SDK2: variants seen among roughly 807,000 people sequenced by gnomAD.
The protein encoded by SDK2 is sidekick cell adhesion molecule 2.
SDK2 carries 105 observed loss-of-function variants against 253.9 expected under a neutral mutation model. The observed-to-expected ratio is 0.41, with a 90% CI of 0.35 to 0.49. The LOEUF (loss-of-function observed/expected upper bound fraction) is 0.49, where lower values mean the gene tolerates loss of function less well. Ranked by LOEUF, SDK2 falls within the 20% of genes least tolerant of loss-of-function variation. The pLI is 0.06. For missense variants in SDK2, 2,608 were observed against 3,003.0 expected (o/e 0.87, Z 3.07); for synonymous variants, 1,249 against 1,234.9 (o/e 1.01, Z -0.24).
intron 12 of SDK2, among the ~76,000 whole-genome samples, chr17:73,427,980 C>A (rs542934466): frequency 6.6e-6 from 1 of 152,112 alleles, no homozygotes. Context: ...CCAAAATCTA[C>A]AAAGAACTCT....
intron 1 of SDK2, among the ~76,000 whole-genome samples, chr17:73,543,008 C>A (rs1430743729): frequency 6.6e-6 from 1 of 152,140 alleles, no homozygotes; most frequent in Non-Finnish European, 1.5e-5. Context: ...TAGGCCACGC[C>A]CCCTCTGCAG....
intron 21 of SDK2, 23 bp downstream of exon 21, chr17:73,400,997 C>T (rs377531625): frequency 5.6e-5 from 87 of 1,552,772 alleles, no homozygotes; most frequent in Non-Finnish European, 7.6e-5. Flanking sequence ...TCAAAGAGTC[C>T]TGCCTTGAGA....
chr17:73,553,345 A>G (rs1452899047), intron 1 of SDK2, among the ~76,000 whole-genome samples: 1 of 152,150 alleles, frequency 6.6e-6, no homozygotes, highest in African/African-American at 2.4e-5. Flanking sequence ...TGCCTATTTA[A>G]TACCAGGGTC....
At chr17:73,385,425 C>G (rs1441413183) in intron 32 of SDK2, among the ~76,000 whole-genome samples, 2 of 152,154 alleles carry the variant, frequency 1.3e-5, no homozygotes, top group Non-Finnish European at 2.9e-5. Flanking sequence ...CTTCACCGAC[C>G]AGTGGGGCTT....
intron 1 of SDK2, among the ~76,000 whole-genome samples, chr17:73,568,798 G>A (rs1394362387): frequency 2.0e-5 from 3 of 151,952 alleles, no homozygotes; most frequent in East Asian, 1.9e-4. Context: ...GAGAAGAGTC[G>A]TTAAACAGGC....
rs1180098185 is a variant in SDK2 at position 73,447,690 on chromosome 17, GACC to G, written c.535_537del (p.Gly179del). 6.4e-7 allele frequency: 1 copy of G among 1,551,742 alleles called. No individual in the cohort carries two copies. Among genetic ancestry groups the G allele is most frequent in the East Asian group, 2.4e-5 (1 of 40,922 alleles). ...TCGTTAACAGCCTGCACATAGTAGC[GACC>G]TGCGTCAGGGGCCACCGTTGACAGG... On this transcript the variant is annotated inframe_deletion, in exon 5 of 45. Transcript: ENST00000392650. The surrounding 1 kb of genome is among the most constrained non-coding windows in gnomAD (Gnocchi z 4.0).
In SDK2 at chr17:73,612,141, T is replaced by A. The variant is rs935836753; in HGVS notation, c.64+31884A>T. Among the ~76,000 whole-genome samples the A allele has an allele frequency of 6.6e-6, 1 of 152,176 alleles. No individual in the cohort carries two copies. The highest frequency in any genetic ancestry group is 2.4e-5 in the African/African-American group (1 of 41,430). On this transcript the variant is annotated intron_variant, in intron 1 of 44. Coordinates refer to ENST00000392650, the MANE Select transcript of SDK2 (RefSeq NM_001144952.2). This position sits in a 1 kb window ranked among gnomAD's most constrained non-coding sequence, Gnocchi z 4.4. ...AACTCGTTATGAAAATAAACAGCAA[T>A]TCCTTTCACCCCCGCTGCAGCCTCT...
chr17:73,455,596 G>A lies in SDK2; in HGVS notation c.479+310C>T, dbSNP rs960634822. Among the ~76,000 whole-genome samples, 9 of 152,302 alleles carry A rather than the reference G, an allele frequency of 5.9e-5. 1 individual carries two copies. In the South Asian group the frequency reaches 6.2e-4, roughly 11 times the overall value. ...CTGGGCCTGTAACCACGGTGACAGC[G>A]CCTTCGTATATGCCTGTTTGGGTTT... On this transcript the variant is annotated intron_variant, in intron 4 of 44. Transcript: ENST00000392650. This position sits in a 1 kb window ranked among gnomAD's most constrained non-coding sequence, Gnocchi z 5.0.
chr17:73,607,024 A>G (rs1013575578), intron 1 of SDK2, among the ~76,000 whole-genome samples: 1 of 152,220 alleles, frequency 6.6e-6, no homozygotes, highest in Admixed American at 6.5e-5. Flanking sequence ...GAGGCTGGAC[A>G]GGCAAGGGAG....
At chr17:73,605,601 C>A (rs1310732968) in intron 1 of SDK2, among the ~76,000 whole-genome samples, 1 of 152,104 alleles carries the variant, frequency 6.6e-6, no homozygotes, top group African/African-American at 2.4e-5. Flanking sequence ...TGAGTCAGCC[C>A]AGCATCACCT....
chr17:73,410,308 T>TGTTTTC (rs1275298259), intron 18 of SDK2, among the ~76,000 whole-genome samples: 2 of 151,818 alleles, frequency 1.3e-5, no homozygotes, highest in Non-Finnish European at 2.9e-5. Context: ...TATTCCTTTT[T>TGTTTTC]GTTTTTGTTT....
intron 1 of SDK2, among the ~76,000 whole-genome samples, chr17:73,637,723 G>A (rs890824765): frequency 3.3e-5 from 5 of 152,218 alleles, no homozygotes; most frequent in South Asian, 4.1e-4. Context: ...TTCCTCTGGA[G>A]CATTAATCAA....
chr17:73,522,410 G>A (rs1223500180), intron 1 of SDK2, among the ~76,000 whole-genome samples: 1 of 152,236 alleles, frequency 6.6e-6, no homozygotes, highest in South Asian at 2.1e-4. Flanking sequence ...GTCTGCTGAA[G>A]GGGGGCAGTT....
chr17:73,611,209 C>T (rs1355034087), intron 1 of SDK2, among the ~76,000 whole-genome samples: 1 of 152,200 alleles, frequency 6.6e-6, no homozygotes, highest in African/African-American at 2.4e-5. Context: ...CTCACTTTCT[C>T]TCCTTTTATC....
intron 2 of SDK2, among the ~76,000 whole-genome samples, chr17:73,484,596 G>C (rs2063758713): frequency 6.6e-6 from 1 of 152,206 alleles, no homozygotes; most frequent in African/African-American, 2.4e-5. Flanking sequence ...ACCATGGCCT[G>C]GGTGCCTTAA....
Position 73,618,988 on chromosome 17 carries a change from G to A in SDK2, c.64+25037C>T, listed in dbSNP as rs529521837. 4.6e-5 allele frequency among the ~76,000 whole-genome samples: 7 copies of A among 152,098 alleles called. No homozygotes were observed. Among genetic ancestry groups the A allele is most frequent in the Non-Finnish European group, 1.0e-4 (7 of 68,018 alleles). On this transcript the variant is annotated intron_variant, in intron 1 of 44. Transcript: ENST00000392650. The surrounding 1 kb of genome is among the most constrained non-coding windows in gnomAD (Gnocchi z 4.1). The stretch of plus-strand genomic sequence containing the variant: ...TTGAGACTGGCCTGGACAACATGGC[G>A]AAACCTCACCTCTACTAAAAATACA...
At chr17:73,456,546 T>C (rs2063527051) in intron 3 of SDK2, among the ~76,000 whole-genome samples, 1 of 152,114 alleles carries the variant, frequency 6.6e-6, no homozygotes, top group Non-Finnish European at 1.5e-5. Flanking sequence ...GGGAGAGAAG[T>C]GTGGGCATGC....
intron 36 of SDK2, among the ~76,000 whole-genome samples, chr17:73,377,131 T>C (rs2062788733): frequency 6.7e-6 from 1 of 149,668 alleles, no homozygotes; most frequent in African/African-American, 2.5e-5. Flanking sequence ...AGAATGAGAG[T>C]CAACTGGACA....
chr17:73,436,038 G>A (rs1428013697), intron 8 of SDK2, among the ~76,000 whole-genome samples: 2 of 152,128 alleles, frequency 1.3e-5, no homozygotes, highest in Non-Finnish European at 2.9e-5. Context: ...ACAGGTGTGA[G>A]CCACTGCACC....
Sources: gnomAD v4.1 joint callset for allele counts (sites outside exome capture counted in the v4.1 genomes callset) on GRCh38, gnomAD v4.1.1 for gene constraint, Gnocchi (gnomAD v3.1) non-coding constraint, MANE v1.5 for transcripts, NCBI Gene and HGNC (gene_info 2026-07-23, HGNC 2026-07-21) for gene names.